The following MAGI2 variants were observed in gnomAD, a reference collection of about 807,000 sequenced individuals.
MAGI2 encodes membrane associated guanylate kinase, WW and PDZ domain containing 2.
Under a neutral mutation model 133.3 loss-of-function variants are expected in MAGI2, and 35 were observed. That is an observed-to-expected ratio of 0.26 (90% confidence interval 0.20 to 0.35). MAGI2 has a LOEUF of 0.35. Among genes scored for constraint, MAGI2 ranks in the 10% least tolerant of loss-of-function variants. MAGI2 has a pLI of 1.00. For missense variants in MAGI2, 1,636 were observed against 1,863.4 expected (o/e 0.88, Z 2.25); for synonymous variants, 729 against 710.6 (o/e 1.03, Z -0.41).
chr7:78,897,704 C>A (rs568978357), intron 2 of MAGI2, among the ~76,000 whole-genome samples: 26 of 152,074 alleles, frequency 1.7e-4, no homozygotes, highest in Non-Finnish European at 2.6e-4. Flanking sequence ...AGCATTGAAT[C>A]TATGAATTGT....
chr7:79,133,490 G>A (rs1444635275), intron 1 of MAGI2, among the ~76,000 whole-genome samples: 5 of 152,062 alleles, frequency 3.3e-5, no homozygotes, highest in African/African-American at 7.2e-5. Context: ...TGGGATCTCT[G>A]TTCTGTTCCA....
intron 6 of MAGI2, among the ~76,000 whole-genome samples, chr7:78,454,611 T>A (rs954991528): frequency 6.6e-6 from 1 of 152,204 alleles, no homozygotes; most frequent in African/African-American, 2.4e-5. Flanking sequence ...CACAAAAACC[T>A]GCATGTGAAT....
chr7:78,417,788 G>T (rs1798437313), intron 6 of MAGI2, among the ~76,000 whole-genome samples: 1 of 152,150 alleles, frequency 6.6e-6, no homozygotes, highest in Non-Finnish European at 1.5e-5. Flanking sequence ...ACGGACTTCA[G>T]TGGTAGAGTT....
chr7:78,868,128 G>A (rs1210387222), intron 2 of MAGI2, among the ~76,000 whole-genome samples: 2 of 152,048 alleles, frequency 1.3e-5, no homozygotes, highest in African/African-American at 4.8e-5. Context: ...CATAGATGAC[G>A]ACAATGGAAA....
chr7:78,484,842 G>A (rs1383127821), intron 6 of MAGI2: 3 of 151,956 alleles, frequency 2.0e-5, no homozygotes, highest in African/African-American at 7.2e-5. Flanking sequence ...CCCATTTACA[G>A]GTAAGAAAAT....
intron 6 of MAGI2, among the ~76,000 whole-genome samples, chr7:78,408,295 C>G (rs970132122): frequency 6.6e-6 from 1 of 151,942 alleles, no homozygotes; most frequent in African/African-American, 2.4e-5. Flanking sequence ...ACGGTAAGAA[C>G]AAAGATCTGT....
At chr7:78,726,015 T>C (rs1820770439) in intron 2 of MAGI2, among the ~76,000 whole-genome samples, 1 of 152,160 alleles carries the variant, frequency 6.6e-6, no homozygotes, top group Non-Finnish European at 1.5e-5. Flanking sequence ...TTAAATTGAA[T>C]GTTTAATATA....
intron 20 of MAGI2, among the ~76,000 whole-genome samples, chr7:78,109,606 T>A (rs1563133565): frequency 6.6e-6 from 1 of 152,130 alleles, no homozygotes; most frequent in African/African-American, 2.4e-5. Context: ...CACTCCAGCC[T>A]GGGAGACATA....
chr7:79,209,797 T>A (rs975483233), intron 1 of MAGI2, among the ~76,000 whole-genome samples: 23 of 152,080 alleles, frequency 1.5e-4, no homozygotes, highest in Admixed American at 2.6e-4. Context: ...ATAATTTATT[T>A]AATATTTATC....
chr7:78,577,237 T>C (rs1221775212), intron 3 of MAGI2, among the ~76,000 whole-genome samples: 1 of 152,040 alleles, frequency 6.6e-6, no homozygotes, highest in Non-Finnish European at 1.5e-5. Context: ...AATTCTAAAA[T>C]AAAATGAGGT....
intron 21 of MAGI2, among the ~76,000 whole-genome samples, chr7:78,039,254 A>G (rs926081663): frequency 1.3e-5 from 2 of 152,222 alleles, no homozygotes; most frequent in African/African-American, 4.8e-5. Context: ...TCAATTCTCT[A>G]AATTGTAGAT....
rs7789307 is a variant in MAGI2 at position 78,385,675 on chromosome 7, T to A, written c.1046-16462A>T. The stretch of plus-strand genomic sequence containing the variant: ...TCTAGATTATTTTGGATAATCCAGG[T>A]GGAGATACTGAAATCACAATTCTTT... On this transcript the variant is annotated intron_variant, in intron 6 of 21. Coordinates refer to ENST00000354212, the MANE Select transcript of MAGI2 (RefSeq NM_012301.4). Among the ~76,000 whole-genome samples, 132 of 152,142 alleles carry A rather than the reference T, an allele frequency of 8.7e-4. 1 individual carries two copies. The highest frequency in any genetic ancestry group is 2.9e-3 in the African/African-American group (122 of 41,524).
At chr7:78,931,831 G>T (rs1800145605) in intron 2 of MAGI2, among the ~76,000 whole-genome samples, 1 of 151,954 alleles carries the variant, frequency 6.6e-6, no homozygotes, top group South Asian at 2.1e-4. Flanking sequence ...TTTTAAAATT[G>T]AAAAGTTAAA....
chr7:79,065,094 T>G (rs1031198863), intron 1 of MAGI2, among the ~76,000 whole-genome samples: 1 of 152,092 alleles, frequency 6.6e-6, no homozygotes, highest in African/African-American at 2.4e-5. Flanking sequence ...ACTGTATTTG[T>G]GGGTCTTTTT....
intron 1 of MAGI2, among the ~76,000 whole-genome samples, chr7:79,323,736 G>A (rs1202245613): frequency 6.6e-6 from 1 of 152,156 alleles, no homozygotes; most frequent in Non-Finnish European, 1.5e-5. Flanking sequence ...TGGAGGCAAG[G>A]AAACTCAAAA....
chr7:78,536,933 A>ACTGC, intron 3 of MAGI2, among the ~76,000 whole-genome samples: 1 of 151,912 alleles, frequency 6.6e-6, no homozygotes, highest in Non-Finnish European at 1.5e-5. Flanking sequence ...CTCTGTACCC[A>ACTGC]ATGTGTAGTC....
intron 6 of MAGI2, among the ~76,000 whole-genome samples, chr7:78,444,106 ACT>A (rs1584148963): frequency 6.6e-6 from 1 of 151,934 alleles, no homozygotes; most frequent in African/African-American, 2.4e-5. Flanking sequence ...TCACATTTCA[ACT>A]CTCTGTTCAG....
chr7:78,522,736 A>T, intron 3 of MAGI2, among the ~76,000 whole-genome samples: 1 of 152,238 alleles, frequency 6.6e-6, no homozygotes, highest in South Asian at 2.1e-4. Flanking sequence ...CCTAAAATTT[A>T]GATTGGTAAA....
At chr7:78,861,047 C>T (rs548017470) in intron 2 of MAGI2, among the ~76,000 whole-genome samples, 1 of 152,198 alleles carries the variant, frequency 6.6e-6, no homozygotes, top group Non-Finnish European at 1.5e-5. Flanking sequence ...CCAAGCCATG[C>T]ATGGGATATA....
Sources: gnomAD v4.1 joint callset for allele counts (sites outside exome capture counted in the v4.1 genomes callset) on GRCh38, gnomAD v4.1.1 for gene constraint, MANE v1.5 for transcripts, NCBI Gene and HGNC (gene_info 2026-07-23, HGNC 2026-07-21) for gene names.